The following GRIA2 variants were observed in gnomAD, a reference collection of about 807,000 sequenced individuals.
GRIA2 encodes glutamate ionotropic receptor AMPA type subunit 2, also known as glutamate receptor 2.
In GRIA2, 14 loss-of-function variants were observed where a neutral mutation model predicts 97.3. That is an observed-to-expected ratio of 0.14 (90% CI 0.10 to 0.23). The LOEUF is 0.23. GRIA2 is among the 10% of genes least tolerant of loss of function. The probability of loss-of-function intolerance (pLI) is 1.00; values close to 1 mark genes in which losing one functional copy is unlikely to be tolerated. For missense variants in GRIA2, 558 were observed against 1,069.8 expected (o/e 0.52, Z 6.67); for synonymous variants, 412 against 387.8 (o/e 1.06, Z -0.73).
At chr4:157,362,388 A>T (rs1195268900) in intron 14 of GRIA2, 1 of 457,240 alleles carries the variant, frequency 2.2e-6, no homozygotes, top group South Asian at 1.5e-5. Flanking sequence ...TGCTTCTACA[A>T]TCACACGTAT....
At chr4:157,297,632 CT>C (rs1733408966) in intron 2 of GRIA2, among the ~76,000 whole-genome samples, 1 of 152,110 alleles carries the variant, frequency 6.6e-6, no homozygotes, top group African/African-American at 2.4e-5. Flanking sequence ...TTTGTTCTCA[CT>C]TTTAGCCCCT....
At chr4:157,362,279 G>A (rs565029982) in intron 14 of GRIA2, 50 of 408,924 alleles carry the variant, frequency 1.2e-4, no homozygotes, top group Middle Eastern at 7.0e-4. Context: ...CTTCCTGAAG[G>A]TTTATCTTAG....
chr4:157,347,480 T>C (rs574496990), intron 12 of GRIA2, among the ~76,000 whole-genome samples: 1 of 151,586 alleles, frequency 6.6e-6, no homozygotes, highest in South Asian at 2.1e-4. Flanking sequence ...ACGATTAATC[T>C]AGAAGGAAAG....
intron 1 of GRIA2, chr4:157,221,345 G>C (rs1216654312): frequency 3.8e-5 from 21 of 557,412 alleles, no homozygotes; most frequent in Non-Finnish European, 6.3e-5. Flanking sequence ...CTCTCATTTC[G>C]GATCCCCAAA....
chr4:157,360,253 C>A, intron 13 of GRIA2, 110 bp downstream of exon 13: 2 of 1,110,958 alleles, frequency 1.8e-6, no homozygotes, highest in Admixed American at 2.5e-5. Flanking sequence ...GGTAACTCAC[C>A]ATCACAAAAA....
At chr4:157,342,670 T>C (rs1356948823) in intron 12 of GRIA2, among the ~76,000 whole-genome samples, 1 of 152,086 alleles carries the variant, frequency 6.6e-6, no homozygotes, top group Non-Finnish European at 1.5e-5. Flanking sequence ...TTGAAAGCAT[T>C]TTTAATATTT....
chr4:157,332,013 G>A (rs1383932564), intron 6 of GRIA2, among the ~76,000 whole-genome samples: 1 of 152,028 alleles, frequency 6.6e-6, no homozygotes, highest in Non-Finnish European at 1.5e-5. Context: ...TTTTCTCAAC[G>A]TTCAGTAAAA....
intron 2 of GRIA2, among the ~76,000 whole-genome samples, chr4:157,258,601 T>C (rs1731387508): frequency 6.6e-6 from 1 of 152,068 alleles, no homozygotes; most frequent in Non-Finnish European, 1.5e-5. Flanking sequence ...ATTTGCCTTG[T>C]GATATTTTAT....
intron 2 of GRIA2, among the ~76,000 whole-genome samples, chr4:157,233,491 T>C (rs1282864304): frequency 6.6e-6 from 1 of 152,122 alleles, no homozygotes. Context: ...CCAAGCAACA[T>C]AGGCTTTGGA....
chr4:157,221,604 C>T (rs1729497236), intron 1 of GRIA2, 63 bp from the exon 2 acceptor site: 1 of 1,545,534 alleles, frequency 6.5e-7, no homozygotes, highest in South Asian at 1.2e-5. Flanking sequence ...CGCTAGCGCG[C>T]GCCCCTCCTT....
At chr4:157,296,758 A>G (rs926289873) in intron 2 of GRIA2, among the ~76,000 whole-genome samples, 1 of 152,180 alleles carries the variant, frequency 6.6e-6, no homozygotes, top group Non-Finnish European at 1.5e-5. Flanking sequence ...GTTGATGGCA[A>G]GCAAGGAACC....
intron 2 of GRIA2, among the ~76,000 whole-genome samples, chr4:157,297,418 T>A (rs1157839476): frequency 1.3e-5 from 2 of 152,130 alleles, no homozygotes; most frequent in African/African-American, 4.8e-5. Context: ...AATTAGAACA[T>A]TAAGATGTAG....
At chr4:157,232,005 C>G (rs991374287) in intron 2 of GRIA2, among the ~76,000 whole-genome samples, 10 of 151,972 alleles carry the variant, frequency 6.6e-5, no homozygotes, top group African/African-American at 2.4e-4. Context: ...AAAAGTTATT[C>G]AAAGGACAAT....
chr4:157,240,034 G>T lies in GRIA2; in HGVS notation c.229+18227G>T, dbSNP rs190586090. Among the ~76,000 whole-genome samples the T allele has an allele frequency of 3.9e-3, 596 of 151,962 alleles. 8 individuals carry two copies. The highest frequency in any genetic ancestry group is 0.014 in the African/African-American group (575 of 41,458). On this transcript the variant is annotated intron_variant, in intron 2 of 15. Transcript: ENST00000264426. ...ATTGAGATAGCACTGTCCTTTTGTG[G>T]TTGACCATGTAATTATTTCTTGACT...
At chr4:157,251,394 A>G (rs1579305009) in intron 2 of GRIA2, among the ~76,000 whole-genome samples, 2 of 152,230 alleles carry the variant, frequency 1.3e-5, no homozygotes, top group East Asian at 3.9e-4. Context: ...AACAATGTGG[A>G]TTCCCAACTG....
intron 2 of GRIA2, among the ~76,000 whole-genome samples, chr4:157,235,468 T>C (rs1426383636): frequency 6.6e-6 from 1 of 152,044 alleles, no homozygotes; most frequent in Non-Finnish European, 1.5e-5. Context: ...TTTATAAATA[T>C]TATCCTATAC....
chr4:157,329,322 TATCA>T (rs1221902923), intron 6 of GRIA2, among the ~76,000 whole-genome samples: 6 of 152,160 alleles, frequency 3.9e-5, no homozygotes, highest in African/African-American at 9.6e-5. Context: ...TCCAGAGGAA[TATCA>T]ATCAATGTAT....
intron 2 of GRIA2, among the ~76,000 whole-genome samples, chr4:157,275,549 G>A (rs1321687887): frequency 6.6e-6 from 1 of 152,084 alleles, no homozygotes; most frequent in Non-Finnish European, 1.5e-5. Flanking sequence ...TTTTGTATAA[G>A]GTGTAAGGAA....
chr4:157,263,059 A>ATT (rs1261181027), intron 2 of GRIA2, among the ~76,000 whole-genome samples: 6 of 152,100 alleles, frequency 3.9e-5, no homozygotes, highest in African/African-American at 1.4e-4. Flanking sequence ...TGACATTTAA[A>ATT]TTTGTCAAGG....
Sources: allele counts gnomAD v4.1 joint callset (sites outside exome capture counted in the v4.1 genomes callset), GRCh38; gene constraint gnomAD v4.1.1; transcripts MANE v1.5; gene names NCBI Gene and HGNC (gene_info 2026-07-23, HGNC 2026-07-21).